Variants in DNAI7 observed in about 807,000 individuals in gnomAD.
The protein encoded by DNAI7 is cancer susceptibility 1.
Under a neutral mutation model 86.6 loss-of-function variants are expected in DNAI7, and 78 were observed. That is an observed-to-expected ratio of 0.90 (90% CI 0.75 to 1.09). The LOEUF (loss-of-function observed/expected upper bound fraction) is 1.09. DNAI7 is among the 50% of genes least tolerant of loss of function. The probability of loss-of-function intolerance (pLI) is 0.00; values close to 1 mark genes in which losing one functional copy is unlikely to be tolerated. For missense variants in DNAI7, 753 were observed against 810.2 expected, an observed-to-expected ratio of 0.93 and a Z score of 0.86; for synonymous variants, 274 against 273.0, an observed-to-expected ratio of 1.00 and a Z score of -0.04.
At chr12:25,112,267 A>G (rs964989070) in intron 13 of DNAI7, among the ~76,000 whole-genome samples, 1 of 152,208 alleles carries the variant, frequency 6.6e-6, no homozygotes, top group African/African-American at 2.4e-5. Flanking sequence ...TTATTAGATA[A>G]CAATTATGAT....
chr12:25,144,792 T>G, intron 8 of DNAI7, 115 bp from the exon 9 acceptor site: 1 of 777,198 alleles, frequency 1.3e-6, no homozygotes, highest in Non-Finnish European at 2.0e-6. Context: ...CAATTTTGAC[T>G]CTGATCATAT....
In DNAI7 at chr12:25,111,765, T is replaced by C; in HGVS notation, c.1779+7A>G. On this transcript the variant is annotated splice_region_variant and intron_variant, in intron 14 of 15. Coordinates refer to ENST00000395987, the MANE Select transcript of DNAI7 (RefSeq NM_018272.5). Reference sequence around the variant, plus strand: ...GCCACATTAAATTTGGAAAGATTCATTCTTGCCTTATTGTTTATAATAACA... The same window carrying C: ...GCCACATTAAATTTGGAAAGATTCACTCTTGCCTTATTGTTTATAATAACA... 1 of 1,549,000 alleles carries C rather than the reference T, an allele frequency of 6.5e-7. No homozygotes were observed. Among genetic ancestry groups the C allele is most frequent in the South Asian group, 1.3e-5 (1 of 79,196 alleles).
intron 2 of DNAI7, among the ~76,000 whole-genome samples, chr12:25,167,293 G>A (rs192255611): frequency 1.3e-5 from 2 of 152,074 alleles, no homozygotes; most frequent in East Asian, 3.9e-4. Flanking sequence ...ACTCCTCAGG[G>A]ATTATTCAGT....
chr12:25,194,818 C>T (rs1950893143), intron 1 of DNAI7: 3 of 1,503,292 alleles, frequency 2.0e-6, no homozygotes, highest in Admixed American at 3.6e-5. Flanking sequence ...TAGCAACATT[C>T]GAGATCAGGA....
At chr12:25,135,588 A>T (rs1943449909) in intron 9 of DNAI7, among the ~76,000 whole-genome samples, 1 of 152,270 alleles carries the variant, frequency 6.6e-6, no homozygotes, top group Non-Finnish European at 1.5e-5. Flanking sequence ...CTTTCTTAGC[A>T]GGGAGGCTGG....
chr12:25,110,279 T>G lies in DNAI7; in HGVS notation c.1780-39A>C, dbSNP rs868427596. The G allele has an allele frequency of 2.3e-5, 26 of 1,149,178 alleles. 4 individuals carry two copies. In the Middle Eastern group the frequency reaches 5.1e-3, roughly 224 times the overall value. 71.2% of individuals were successfully genotyped at this position (1,149,178 alleles called of 1,614,324 possible). A position where few individuals can be genotyped will look rare whatever the true frequency, so the allele number is the denominator to read the frequency against. ...AACAAATAGAATTGATCTTTGAGCCTCCCAACAAGTCTTCCTCCATCTTTG... is the reference window on the plus strand; with the variant it reads ...AACAAATAGAATTGATCTTTGAGCCGCCCAACAAGTCTTCCTCCATCTTTG... On this transcript the variant is annotated intron_variant, in intron 14 of 15. Transcript: ENST00000395987.
intron 9 of DNAI7, among the ~76,000 whole-genome samples, chr12:25,131,130 A>G (rs956837291): frequency 6.7e-6 from 1 of 148,952 alleles, no homozygotes; most frequent in Non-Finnish European, 1.5e-5. Flanking sequence ...AAATATGCCA[A>G]CCTAAAATTG....
At chr12:25,161,991 G>A (rs1946884331) in intron 2 of DNAI7, among the ~76,000 whole-genome samples, 1 of 152,106 alleles carries the variant, frequency 6.6e-6, no homozygotes, top group African/African-American at 2.4e-5. Context: ...AACATAAAGA[G>A]GATACCATTT....
chr12:25,113,279 CTGT>C (rs111423023), intron 13 of DNAI7, among the ~76,000 whole-genome samples: 35,249 of 150,434 alleles, frequency 0.23, 4,656 homozygotes, highest in African/African-American at 0.35. Flanking sequence ...GTTGTTGTTG[CTGT>C]TGTTGTTGTT....
In DNAI7 at chr12:25,108,665, G is replaced by T; in HGVS notation, c.2052C>A (p.His684Gln). ...EETEFHSTLY[H>Q]MVKDFASEEA... Reference sequence around the variant, plus strand: ...CCTCAGAAGCAAAATCCTTCACCATGTGATATAAAGTAGAATGAAACTCAG... The same window carrying T: ...CCTCAGAAGCAAAATCCTTCACCATTTGATATAAAGTAGAATGAAACTCAG... The change falls in exon 16 of 16, where the codon CAC (histidine) becomes CAA (glutamine). Residue 684 changes from histidine (H) to glutamine (Q), a missense_variant. By Grantham distance (24) the His-to-Gln change is conservative. Transcript: ENST00000395987. 1 of 1,613,576 alleles carries T rather than the reference G, an allele frequency of 6.2e-7. No homozygotes were observed.
intron 3 of DNAI7, 96 bp from the exon 4 acceptor site, chr12:25,158,659 A>G (rs1232112328): frequency 6.0e-6 from 9 of 1,510,100 alleles, no homozygotes; most frequent in Non-Finnish European, 7.1e-6. Context: ...GTAGTGGTGG[A>G]ATCTTTTATA....
chr12:25,153,308 G>C (rs117573571), intron 6 of DNAI7, among the ~76,000 whole-genome samples: 8,368 of 152,192 alleles, frequency 0.055, 305 homozygotes, highest in South Asian at 0.13. Context: ...TGTAATTCCA[G>C]CTATTGGGAG....
Position 25,163,762 on chromosome 12 carries a change from T to C in DNAI7, c.22-2565A>G, listed in dbSNP as rs185050603. On this transcript the variant is annotated intron_variant, in intron 2 of 15. Transcript: ENST00000395987. ...AGCCCAAGGAACATCTCACCAATTT[T>C]AAATCTGGTAAGCGGCCTCTTTTTA... is the stretch of plus-strand genomic sequence containing the variant. Among the ~76,000 whole-genome samples, 152 of 152,320 alleles carry C rather than the reference T, an allele frequency of 1.0e-3. 1 individual carries two copies. The highest frequency in any genetic ancestry group is 3.6e-3 in the African/African-American group (148 of 41,574).
chr12:25,112,399 G>GTTTTTTTTT (rs10602859), intron 13 of DNAI7, among the ~76,000 whole-genome samples: 3 of 104,278 alleles, frequency 2.9e-5, no homozygotes, highest in African/African-American at 1.3e-4. Flanking sequence ...TTCACATCTG[G>GTTTTTTTTT]TTTTTTTTTT....
chr12:25,177,246 A>G (rs938474687), intron 2 of DNAI7, among the ~76,000 whole-genome samples: 9 of 152,150 alleles, frequency 5.9e-5, no homozygotes, highest in African/African-American at 2.2e-4. Context: ...CTTTAAACAC[A>G]TGCACACTGA....
intron 9 of DNAI7, among the ~76,000 whole-genome samples, chr12:25,133,285 T>C (rs919582433): frequency 2.6e-5 from 4 of 152,170 alleles, no homozygotes; most frequent in African/African-American, 9.7e-5. Context: ...TTCTTTTATA[T>C]AGATATTACA....
rs371172176 is a variant in DNAI7 at position 25,178,744 on chromosome 12, C to T, written c.21+11870G>A. Among the ~76,000 whole-genome samples the T allele has an allele frequency of 3.8e-3, 577 of 152,094 alleles. 5 individuals carry two copies. Among genetic ancestry groups the T allele is most frequent in the South Asian group, 0.021 (101 of 4,816 alleles). On this transcript the variant is annotated intron_variant, in intron 2 of 15. Transcript: ENST00000395987. ...ATGGCTGGTGTAGTTGTGAAAGGGACGAAATCACAATTCTAAATACAGTGG... is the reference window on the plus strand; with the variant it reads ...ATGGCTGGTGTAGTTGTGAAAGGGATGAAATCACAATTCTAAATACAGTGG...
chr12:25,167,493 C>A (rs1281249370), intron 2 of DNAI7, among the ~76,000 whole-genome samples: 1 of 152,150 alleles, frequency 6.6e-6, no homozygotes, highest in Non-Finnish European at 1.5e-5. Flanking sequence ...ATGCCACCCT[C>A]TACCTCTCCC....
intron 2 of DNAI7, among the ~76,000 whole-genome samples, chr12:25,174,475 TGGGATATATATATCATATATCC>T (rs1298782982): frequency 9.2e-6 from 1 of 108,950 alleles, no homozygotes; most frequent in African/African-American, 3.3e-5. Flanking sequence ...ATCATATATA[TGGGATATATATATCATATATCC>T]CATATATATG....
Sources: allele counts gnomAD v4.1 joint callset (sites outside exome capture counted in the v4.1 genomes callset), GRCh38; gene constraint gnomAD v4.1.1; transcripts MANE v1.5; gene names NCBI Gene and HGNC (gene_info 2026-07-23, HGNC 2026-07-21).